The following PTPRD variants were observed in gnomAD, a reference collection of about 807,000 sequenced individuals.
The protein encoded by PTPRD is receptor-type tyrosine-protein phosphatase delta.
In PTPRD, 34 loss-of-function variants were observed where a neutral mutation model predicts 214.5. The observed-to-expected ratio is 0.16, with a 90% CI of 0.12 to 0.21. PTPRD has a LOEUF of 0.21. PTPRD is among the 10% of genes least tolerant of loss of function. The probability of loss-of-function intolerance (pLI) is 1.00; values close to 1 mark genes in which losing one functional copy is unlikely to be tolerated. For missense variants in PTPRD, 2,545 were observed against 2,398.7 expected, an observed-to-expected ratio of 1.06 and a Z score of -1.27; for synonymous variants, 1,128 against 845.7, an observed-to-expected ratio of 1.33 and a Z score of -5.79.
At chr9:9,639,961 T>C (rs2095883142) in intron 7 of PTPRD, among the ~76,000 whole-genome samples, 1 of 152,212 alleles carries the variant, frequency 6.6e-6, no homozygotes. Context: ...GAATTAATTA[T>C]TACTTGATGA....
rs376750053 is a variant in PTPRD, at chr9:10,023,759, CA to C, written c.-472+9958del. Among the ~76,000 whole-genome samples, 71 of 137,970 alleles carry C rather than the reference CA, an allele frequency of 5.1e-4. No individual in the cohort carries two copies. The East Asian group carries it at 5.6e-3, about 11-fold the overall frequency. 90.5% of individuals were successfully genotyped at this position (137,970 alleles called of 152,430 possible). On this transcript the variant is annotated intron_variant, in intron 4 of 45. Transcript: ENST00000381196. ...ACAAATGCTACAGAAGTGTTAAGTC[CA>C]AAAAAAAAAGCTTTGGGAAAAAAAA...
At chr9:10,476,342 A>G (rs1218405956) in intron 2 of PTPRD, among the ~76,000 whole-genome samples, 1 of 152,166 alleles carries the variant, frequency 6.6e-6, no homozygotes, top group Admixed American at 6.5e-5. Context: ...CACCAATAGT[A>G]GACAAACAGA....
Position 10,042,129 on chromosome 9 carries a change from A to G in PTPRD, c.-544-8339T>C, listed in dbSNP as rs189064331. On this transcript the variant is annotated intron_variant, in intron 3 of 45. Transcript: ENST00000381196. ...CTAAAACTTTCGACTGCTTTTTTCC[A>G]GAGATTTAAACACTGGCAAATAAGG... Among the ~76,000 whole-genome samples the G allele has an allele frequency of 5.9e-4, 90 of 152,166 alleles. 1 individual carries two copies. The highest frequency in any genetic ancestry group is 2.5e-4 in the Non-Finnish European group (17 of 67,940).
chr9:8,984,316 G>A (rs534665104), intron 11 of PTPRD, among the ~76,000 whole-genome samples: 10 of 151,830 alleles, frequency 6.6e-5, no homozygotes, highest in East Asian at 5.8e-4. Flanking sequence ...TGCCCTAAGC[G>A]GAAAGGTAAA....
intron 3 of PTPRD, among the ~76,000 whole-genome samples, chr9:10,067,544 C>T (rs950065943): frequency 7.2e-5 from 11 of 151,854 alleles, no homozygotes; most frequent in African/African-American, 2.4e-4. Flanking sequence ...AAATTGACTG[C>T]TTTGCACTTA....
chr9:8,421,095 A>C (rs2131580152), intron 35 of PTPRD, among the ~76,000 whole-genome samples: 1 of 152,296 alleles, frequency 6.6e-6, no homozygotes, highest in South Asian at 2.1e-4. Context: ...GCACAGTAGT[A>C]GTTAAGAGTT....
At chr9:9,220,051 A>G (rs1337092004) in intron 9 of PTPRD, among the ~76,000 whole-genome samples, 2 of 152,148 alleles carry the variant, frequency 1.3e-5, no homozygotes, top group East Asian at 1.9e-4. Context: ...GAAGGACTTA[A>G]CTGTTTACTT....
intron 4 of PTPRD, among the ~76,000 whole-genome samples, chr9:10,006,309 C>A (rs2096475000): frequency 6.6e-6 from 1 of 152,014 alleles, no homozygotes; most frequent in Non-Finnish European, 1.5e-5. Flanking sequence ...GTCTGTGCAG[C>A]TCTAGTCCCA....
intron 10 of PTPRD, among the ~76,000 whole-genome samples, chr9:9,064,330 T>C (rs10759037): frequency 0.34 from 51,969 of 151,976 alleles, 10,364 homozygotes; most frequent in East Asian, 0.67. Context: ...GAATAGTCTG[T>C]TGGGTAATTT....
At chr9:10,145,879 TC>T (rs1344059658) in intron 3 of PTPRD, among the ~76,000 whole-genome samples, 1 of 151,990 alleles carries the variant, frequency 6.6e-6, no homozygotes, top group East Asian at 1.9e-4. Flanking sequence ...CAAAATCTCA[TC>T]CAAATTAATT....
chr9:8,536,244 A>C (rs2076904160), intron 14 of PTPRD, among the ~76,000 whole-genome samples: 1 of 151,936 alleles, frequency 6.6e-6, no homozygotes, highest in African/African-American at 2.4e-5. Context: ...TGAAACTCTT[A>C]ATCACAGTCA....
chr9:10,220,481 T>G (rs1447897574), intron 3 of PTPRD, among the ~76,000 whole-genome samples: 1 of 151,924 alleles, frequency 6.6e-6, no homozygotes, highest in Non-Finnish European at 1.5e-5. Flanking sequence ...TCTTTTCCAT[T>G]GTGCTATACT....
At chr9:8,394,854 T>C (rs2090661103) in intron 36 of PTPRD, among the ~76,000 whole-genome samples, 1 of 152,094 alleles carries the variant, frequency 6.6e-6, no homozygotes, top group African/African-American at 2.4e-5. Context: ...TGGAACCTGA[T>C]GGGGCAAAAA....
At chr9:10,593,036 G>T (rs962644173) in intron 2 of PTPRD, among the ~76,000 whole-genome samples, 8 of 151,834 alleles carry the variant, frequency 5.3e-5, no homozygotes, top group African/African-American at 1.5e-4. Context: ...CACTCACCAC[G>T]AAGGTCTGCG....
intron 33 of PTPRD, among the ~76,000 whole-genome samples, chr9:8,456,617 G>A (rs1446668471): frequency 6.6e-6 from 1 of 152,126 alleles, no homozygotes; most frequent in African/African-American, 2.4e-5. Flanking sequence ...GGAACTGTAT[G>A]GAGGGTTGAT....
chr9:8,772,781 T>C (rs571045582), intron 11 of PTPRD, among the ~76,000 whole-genome samples: 1 of 152,326 alleles, frequency 6.6e-6, no homozygotes, highest in South Asian at 2.1e-4. Flanking sequence ...TGCTTCCTTC[T>C]ATATCTGGTA....
chr9:10,225,600 T>G (rs1402375702), intron 3 of PTPRD, among the ~76,000 whole-genome samples: 1 of 152,050 alleles, frequency 6.6e-6, no homozygotes. Flanking sequence ...TGGTTGGTTG[T>G]GCTGAGACTT....
chr9:9,635,650 C>T (rs1181262162), intron 7 of PTPRD, among the ~76,000 whole-genome samples: 2 of 152,134 alleles, frequency 1.3e-5, no homozygotes, highest in Admixed American at 6.6e-5. Flanking sequence ...TTTTCAGATA[C>T]TCTGTTACTT....
intron 5 of PTPRD, among the ~76,000 whole-genome samples, chr9:9,867,935 G>C (rs999766729): frequency 6.6e-6 from 1 of 152,132 alleles, no homozygotes; most frequent in African/African-American, 2.4e-5. Flanking sequence ...ACATGAGTAA[G>C]ACTGTTTTTC....
Sources: gnomAD v4.1 joint callset for allele counts (sites outside exome capture counted in the v4.1 genomes callset) on GRCh38, gnomAD v4.1.1 for gene constraint, MANE v1.5 for transcripts, NCBI Gene and HGNC (gene_info 2026-07-23, HGNC 2026-07-21) for gene names.